The following SMG1 variants were observed in gnomAD, a reference collection of about 807,000 sequenced individuals.
The protein encoded by SMG1 is serine/threonine-protein kinase SMG1.
Under a neutral mutation model 419.9 loss-of-function variants are expected in SMG1, and 22 were observed. That is an observed-to-expected ratio of 0.05 (90% CI 0.04 to 0.07). The LOEUF is 0.07. Ranked by LOEUF, SMG1 falls within the 10% of genes least tolerant of loss-of-function variation. SMG1 has a pLI of 1.00. For missense variants in SMG1, 3,185 were observed against 4,342.0 expected, an observed-to-expected ratio of 0.73 and a Z score of 7.49; for synonymous variants, 1,538 against 1,553.5, an observed-to-expected ratio of 0.99 and a Z score of 0.23.
chr16:18,843,963 T>C (rs2034075870), intron 39 of SMG1, among the ~76,000 whole-genome samples: 1 of 152,094 alleles, frequency 6.6e-6, no homozygotes, highest in Non-Finnish European at 1.5e-5. Flanking sequence ...TTTTTAAAAT[T>C]ATTCTTTAAA....
At chr16:18,861,893 T>C (rs1411849877) in intron 25 of SMG1, among the ~76,000 whole-genome samples, 4 of 152,222 alleles carry the variant, frequency 2.6e-5, no homozygotes, top group Admixed American at 2.0e-4. Flanking sequence ...ACTGCTTTCC[T>C]TGAGGCAGAG....
rs1289899235 is a variant in SMG1, at chr16:18,807,788, CTAGCT to C, written c.*1776_*1780del. The C allele has an allele frequency of 1.3e-5, 2 of 152,150 alleles. No individual in the cohort carries two copies. Among genetic ancestry groups the C allele is most frequent in the Non-Finnish European group, 2.9e-5 (2 of 68,062 alleles). 9.4% of individuals were successfully genotyped at this position (152,150 alleles called of 1,614,324 possible). ...TAGTCATTTATTTTTGACACAGAGT[CTAGCT>C]CTGTTGCCCAGGCTGGAGTGCAGTG... is the stretch of plus-strand genomic sequence containing the variant. On this transcript the variant is annotated 3_prime_UTR_variant, in exon 63 of 63. Coordinates refer to ENST00000446231, the MANE Select transcript of SMG1 (RefSeq NM_015092.5).
At chr16:18,923,181 G>A (rs1247276675) in intron 1 of SMG1, among the ~76,000 whole-genome samples, 2 of 152,184 alleles carry the variant, frequency 1.3e-5, no homozygotes, top group Non-Finnish European at 2.9e-5. Flanking sequence ...ATGCTTCTAT[G>A]GAACACGGGT....
chr16:18,907,433 G>A (rs2037607903), intron 1 of SMG1, among the ~76,000 whole-genome samples: 1 of 152,062 alleles, frequency 6.6e-6, no homozygotes. Context: ...ACAGCTCACT[G>A]CAGCCTTGAA....
chr16:18,895,904 G>T, intron 3 of SMG1, 148 bp downstream of exon 3: 1 of 774,652 alleles, frequency 1.3e-6, no homozygotes, highest in Non-Finnish European at 2.2e-6. Flanking sequence ...AACCTTTCTA[G>T]TGGGAAATGA....
intron 9 of SMG1, among the ~76,000 whole-genome samples, chr16:18,883,749 T>A (rs994837189): frequency 6.6e-6 from 1 of 152,038 alleles, no homozygotes; most frequent in Admixed American, 6.6e-5. Flanking sequence ...TGAAACCCTG[T>A]CTCTACTAAA....
Position 18,869,956 on chromosome 16 carries a change from G to C in SMG1, c.2531C>G (p.Ala844Gly), listed in dbSNP as rs776250925. The C allele has an allele frequency of 6.5e-7, 1 of 1,531,472 alleles. No individual in the cohort carries two copies. The highest frequency in any genetic ancestry group is 1.9e-5 in the Admixed American group (1 of 52,452). 94.9% of individuals were successfully genotyped at this position (1,531,472 alleles called of 1,614,324 possible). ...TGCTTTACTCATGTGACTTCTTAAT[G>C]CTAAAGAAATTTCTTGAATTTCTGT... ...NHTEIQEISL[A>G]LRSHMSKAPS... The change falls in exon 19 of 63, where the codon GCA (alanine) becomes GGA (glycine). Residue 844 changes from alanine (A) to glycine (G), a missense_variant. Physicochemically the swap from Ala to Gly is moderately conservative, Grantham distance 60 (BLOSUM62 0). This residue lies in a region of SMG1 where 297 missense variants were observed against 491.0 expected (regional missense o/e 0.60). Transcript: ENST00000446231.
chr16:18,912,686 G>GT lies in SMG1; in HGVS notation c.92+13263dup, dbSNP rs572628183. ...ACTTACGACCTATTTGCTATTAAGTGTAAGTTAATTTATAATTTTAGTATT... is the reference window on the plus strand; with the variant it reads ...ACTTACGACCTATTTGCTATTAAGTGTTAAGTTAATTTATAATTTTAGTATT... On this transcript the variant is annotated intron_variant, in intron 1 of 62. Transcript: ENST00000446231. 1.2e-3 allele frequency among the ~76,000 whole-genome samples: 175 copies of GT among 152,074 alleles called. 2 individuals are homozygous for GT. The highest frequency in any genetic ancestry group is 1.9e-3 in the Non-Finnish European group (132 of 67,982).
intron 10 of SMG1, among the ~76,000 whole-genome samples, chr16:18,881,580 A>G (rs907422699): frequency 1.3e-4 from 20 of 152,198 alleles, no homozygotes; most frequent in African/African-American, 4.8e-4. Context: ...CCTTATTCAA[A>G]GCAGAGTACA....
At chr16:18,832,505 C>T (rs917178238) in intron 51 of SMG1, among the ~76,000 whole-genome samples, 11 of 151,770 alleles carry the variant, frequency 7.2e-5, no homozygotes, top group Non-Finnish European at 1.6e-4. Context: ...ATATCATGTT[C>T]GACTGTGTGT....
rs759385981 is a variant in SMG1, at chr16:18,896,934, G to T, written c.115C>A (p.Pro39Thr). The T allele has an allele frequency of 7.0e-6, 11 of 1,577,214 alleles. No homozygotes were observed. The highest frequency in any genetic ancestry group is 9.5e-6 in the Non-Finnish European group (11 of 1,159,698). Residue 39 changes from proline (P) to threonine (T), a missense_variant, in exon 2 of 63, where the codon CCA becomes ACA. Transcript: ENST00000446231. ...QPRTDSASAD[P>T]DNLKYSSSRD... ...GATGAAGAATATTTTAAATTATCTG[G>T]GTCGGCTGATGCACTATCAGTTCTA...
intron 57 of SMG1, 115 bp downstream of exon 57, chr16:18,817,176 A>C: frequency 5.4e-6 from 4 of 740,782 alleles, no homozygotes; most frequent in East Asian, 3.8e-5. Flanking sequence ...CCCCCCTAAC[A>C]ACCTCTTACA....
intron 1 of SMG1, among the ~76,000 whole-genome samples, chr16:18,898,737 A>G (rs150972688): frequency 0.019 from 2,916 of 152,260 alleles, 96 homozygotes; most frequent in African/African-American, 0.067. Context: ...ATATTTAAAC[A>G]TATCTTCACT....
Position 18,847,592 on chromosome 16 carries a change from C to T in SMG1, c.5857G>A (p.Ala1953Thr), listed in dbSNP as rs770972957. 1.7e-5 allele frequency: 27 copies of T among 1,613,882 alleles called. No homozygotes were observed. Among genetic ancestry groups the T allele is most frequent in the Non-Finnish European group, 2.2e-5 (26 of 1,179,888 alleles). Residue 1953 changes from alanine to threonine, a missense_variant, in exon 38 of 63, where the codon GCT becomes ACT. Coordinates refer to ENST00000446231, the MANE Select transcript of SMG1 (RefSeq NM_015092.5). ...AGCACAGTGACCCTGCGCAGTTCAG[C>T]CACGAGCATCTGAACCTGCATACAC... ...TMVLQVQMLV[A>T]ELRRVTVLWD...
At chr16:18,906,627 T>C (rs1443288285) in intron 1 of SMG1, among the ~76,000 whole-genome samples, 2 of 152,122 alleles carry the variant, frequency 1.3e-5, no homozygotes, top group Non-Finnish European at 2.9e-5. Context: ...CATGCAACAC[T>C]TTCAATGTAT....
chr16:18,817,226 T>C, intron 57 of SMG1, 65 bp downstream of exon 57: 1 of 1,371,224 alleles, frequency 7.3e-7, no homozygotes, highest in Non-Finnish European at 9.8e-7. Context: ...AATGTATATA[T>C]TAAATTGATT....
chr16:18,833,186 A>G lies in SMG1; in HGVS notation c.8566-20T>C, dbSNP rs529368818. 1 of 1,600,370 alleles carries G rather than the reference A, an allele frequency of 6.2e-7. No homozygotes were observed. Among genetic ancestry groups the G allele is most frequent in the Admixed American group, 1.7e-5 (1 of 58,874 alleles). On this transcript the variant is annotated intron_variant, in intron 50 of 62. Transcript: ENST00000446231. ...CAATTCCTATAAATATATGAGAAAA[A>G]AACTTTTAATGTTTTTTGAGTTTAG...
chr16:18,817,350 A>G lies in SMG1; in HGVS notation c.10015T>C (p.Phe3339Leu). ...ACTGAACTGTTAAACTGTGATGCAA[A>G]CGAACACATCTGCTGACATCGCTTG... is the stretch of plus-strand genomic sequence containing the variant. ...LIKRCQQMCS[F>L]ASQFNSSVSE... The change falls in exon 57 of 63, where the codon TTT becomes CTT. Residue 3339 changes from phenylalanine (F) to leucine (L), a missense_variant. Transcript: ENST00000446231. The G allele has an allele frequency of 6.2e-7, 1 of 1,612,512 alleles. No individual in the cohort carries two copies. The highest frequency in any genetic ancestry group is 2.2e-5 in the East Asian group (1 of 44,840).
At chr16:18,904,451 GGTGAAACCCC>G (rs1289487910) in intron 1 of SMG1, among the ~76,000 whole-genome samples, 1 of 146,820 alleles carries the variant, frequency 6.8e-6, no homozygotes, top group Non-Finnish European at 1.5e-5. Context: ...TGGCCAAAAT[GGTGAAACCCC>G]GTCTCTACTA....
Sources: allele counts gnomAD v4.1 joint callset (sites outside exome capture counted in the v4.1 genomes callset), GRCh38; gene constraint gnomAD v4.1.1; regional missense constraint gnomAD v4.1.1; transcripts MANE v1.5; gene names NCBI Gene and HGNC (gene_info 2026-07-23, HGNC 2026-07-21).